The following RHBDF2 variants were observed in gnomAD, a reference collection of about 807,000 sequenced individuals.
RHBDF2 encodes inactive rhomboid protein 2.
A neutral mutation model predicts 95.2 loss-of-function variants in RHBDF2; 38 were observed. The ratio of observed to expected loss-of-function variants is 0.40; its 90% CI spans 0.31 to 0.52. RHBDF2 has a LOEUF of 0.52. Ranked by LOEUF, RHBDF2 falls within the 20% of genes least tolerant of loss-of-function variation. RHBDF2 has a pLI of 0.56. For synonymous variants in RHBDF2, 442 were observed against 462.0 expected (o/e 0.96, Z 0.55); for missense variants, 863 against 1,137.7 (o/e 0.76, Z 3.47).
intron 1 of RHBDF2, among the ~76,000 whole-genome samples, chr17:76,498,191 T>C (rs1475845243): frequency 6.6e-6 from 1 of 152,004 alleles, no homozygotes; most frequent in Non-Finnish European, 1.5e-5. Context: ...TGTCCCTGCC[T>C]AGCCACCACC....
Position 76,473,742 on chromosome 17 carries a change from T to C in RHBDF2, c.1639A>G (p.Ile547Val), listed in dbSNP as rs376240986. Reference sequence around the variant, plus strand: ...TTGCTCCTGGCCTGCTCTGTGCAGATCTGCCAGGAGGGGGCACCGGCAGGG... The same window carrying C: ...TTGCTCCTGGCCTGCTCTGTGCAGACCTGCCAGGAGGGGGCACCGGCAGGG... ...IWPDDITKWPICTEQARSNHT... is the reference protein window; with the variant it reads ...IWPDDITKWPVCTEQARSNHT... The change falls in exon 15 of 19, where the codon ATC (isoleucine) becomes GTC (valine). Residue 547 changes from isoleucine (I) to valine (V), a missense_variant and splice_region_variant. Coordinates refer to ENST00000675367, the MANE Select transcript of RHBDF2 (RefSeq NM_001005498.4). 7.4e-6 allele frequency: 12 copies of C among 1,611,842 alleles called. No homozygotes were observed. Among genetic ancestry groups the C allele is most frequent in the East Asian group, 4.5e-5 (2 of 44,818 alleles).
At chr17:76,483,339 G>A (rs1439433310) in intron 2 of RHBDF2, among the ~76,000 whole-genome samples, 4 of 150,472 alleles carry the variant, frequency 2.7e-5, no homozygotes, top group Non-Finnish European at 5.9e-5. Flanking sequence ...AGATTGGAGT[G>A]CAGTGGCGCG....
chr17:76,496,404 G>C (rs541355207), intron 1 of RHBDF2, among the ~76,000 whole-genome samples: 6 of 152,300 alleles, frequency 3.9e-5, no homozygotes. Flanking sequence ...CCCCAGCCAG[G>C]GTCCCGCGCT....
chr17:76,472,623 G>A (rs770824768), intron 18 of RHBDF2, 63 bp downstream of exon 18: 2 of 1,603,912 alleles, frequency 1.2e-6, no homozygotes, highest in Non-Finnish European at 1.7e-6. Flanking sequence ...CCAGGTGGGT[G>A]GAATAGGAGC....
At chr17:76,477,532 G>A (rs897177738) in intron 7 of RHBDF2, 125 bp downstream of exon 7, 54 of 1,208,892 alleles carry the variant, frequency 4.5e-5, no homozygotes, top group Non-Finnish European at 6.1e-5. Context: ...ATAGGACCAT[G>A]CCACATCCCA....
rs746166759 is a variant in RHBDF2 at position 76,473,861 on chromosome 17, G to T, written c.1616C>A (p.Pro539His). The change falls in exon 14 of 19, where the codon CCC becomes CAC. Residue 539 changes from proline (P) to histidine (H), a missense_variant. This residue lies in a region of RHBDF2 where 252 missense variants were observed against 412.2 expected (regional missense o/e 0.61). Transcript: ENST00000675367. ...EPASSGAHIW[P>H]DDITKWPICT... ...CACCGGCCACTTAGTGATGTCATCG[G>T]GCCAGATGTGGGCACCGCTGGAGGC... 3 of 1,614,062 alleles carry T rather than the reference G, an allele frequency of 1.9e-6. No individual in the cohort carries two copies. The Admixed American group carries it at 5.0e-5, about 27-fold the overall frequency.
At position 76,473,700 on chromosome 17, in the gene RHBDF2, G is replaced by A. The variant is rs1235462638; in HGVS notation, c.1681C>T (p.His561Tyr). Residue 561 changes from histidine (H) to tyrosine (Y), a missense_variant, in exon 15 of 19, where the codon CAC becomes TAC. His to Tyr is a moderately conservative substitution (Grantham distance 83). Transcript: ENST00000675367. ...CGGCCCTTGATCTCGCAGTCCATGTGCAGGAAGCCTGTGTGGTTGCTCCTG... is the reference window on the plus strand; with the variant it reads ...CGGCCCTTGATCTCGCAGTCCATGTACAGGAAGCCTGTGTGGTTGCTCCTG... The part of the protein sequence containing the change: ...QARSNHTGFL[H>Y]MDCEIKGRPC... 1.2e-6 allele frequency: 2 copies of A among 1,612,584 alleles called. No homozygotes were observed. Among genetic ancestry groups the A allele is most frequent in the African/African-American group, 2.7e-5 (2 of 75,038 alleles).
chr17:76,479,874 G>T lies in RHBDF2; in HGVS notation c.151-20C>A. On this transcript the variant is annotated intron_variant, in intron 3 of 18. Transcript: ENST00000675367. Reference sequence around the variant, plus strand: ...CTTCCTCTTGGGGAGGAAGGAGGGAGGGCAGGCGGTGGTGTGTGCAGCCCA... The same window carrying T: ...CTTCCTCTTGGGGAGGAAGGAGGGATGGCAGGCGGTGGTGTGTGCAGCCCA... 1 of 1,611,346 alleles carries T rather than the reference G, an allele frequency of 6.2e-7. No homozygotes were observed. Among genetic ancestry groups the T allele is most frequent in the South Asian group, 1.1e-5 (1 of 90,560 alleles).
In RHBDF2 at chr17:76,479,766, C is replaced by T. The variant is rs143449348; in HGVS notation, c.239G>A (p.Arg80His). ...QESSEKRPGF[R>H]RQASLSQSIR... ...GCTCTGGGACAGTGAGGCCTGGCGG[C>T]GGAAGCCAGGGCGCTTCTCTGAACT... The change falls in exon 4 of 19, where the codon CGC (arginine) becomes CAC (histidine). Residue 80 changes from arginine to histidine, a missense_variant. Around this residue, in one of 2 missense-constraint regions of RHBDF2, gnomAD observed 611 missense variants for 725.5 expected, o/e 0.84. Coordinates refer to ENST00000675367, the MANE Select transcript of RHBDF2 (RefSeq NM_001005498.4). 1.5e-4 allele frequency: 243 copies of T among 1,612,140 alleles called. 3 individuals are homozygous for T. The Middle Eastern group carries it at 1.9e-3, about 13-fold the overall frequency.
chr17:76,482,689 C>T (rs1388903889), intron 2 of RHBDF2, among the ~76,000 whole-genome samples: 3 of 152,048 alleles, frequency 2.0e-5, no homozygotes, highest in Non-Finnish European at 4.4e-5. Flanking sequence ...ACGAGAATTG[C>T]TTGAACCCAG....
chr17:76,498,849 T>C (rs1420983745), intron 1 of RHBDF2, among the ~76,000 whole-genome samples: 1 of 151,470 alleles, frequency 6.6e-6, no homozygotes, highest in Non-Finnish European at 1.5e-5. Context: ...TGTGTGTTTG[T>C]GTGTGTCTCT....
intron 2 of RHBDF2, among the ~76,000 whole-genome samples, chr17:76,483,309 G>A (rs1475407182): frequency 6.7e-6 from 1 of 150,230 alleles, no homozygotes; most frequent in Non-Finnish European, 1.5e-5. Flanking sequence ...TTTTTGTGAT[G>A]GGGTCTCATT....
Position 76,473,101 on chromosome 17 carries a change from T to C in RHBDF2, c.1814A>G (p.His605Arg), listed in dbSNP as rs774996431. 6 of 1,613,662 alleles carry C rather than the reference T, an allele frequency of 3.7e-6. No individual in the cohort carries two copies. The highest frequency in any genetic ancestry group is 5.1e-6 in the Non-Finnish European group (6 of 1,179,652). ...HEEATLCSQV[H>R]CLDKVCGLLP... ...CAGCCCACACACCTTGTCCAAGCAG[T>C]GCACCTGGGAGTGGGCATATGGTGC... Residue 605 changes from histidine (H) to arginine (R), a missense_variant, in exon 17 of 19, where the codon CAC becomes CGC. His to Arg is a conservative substitution (Grantham distance 29). Transcript: ENST00000675367.
intron 1 of RHBDF2, among the ~76,000 whole-genome samples, chr17:76,499,809 C>A (rs1370589769): frequency 2.6e-5 from 4 of 151,958 alleles, no homozygotes; most frequent in Non-Finnish European, 5.9e-5. Flanking sequence ...ACCCTCCCAG[C>A]CCAGGGATAT....
Position 76,474,354 on chromosome 17 carries a change from A to T in RHBDF2, c.1464+19T>A. 4 of 1,606,772 alleles carry T rather than the reference A, an allele frequency of 2.5e-6. No individual in the cohort carries two copies. The highest frequency in any genetic ancestry group is 3.4e-6 in the Non-Finnish European group (4 of 1,176,106). On this transcript the variant is annotated intron_variant, in intron 12 of 18. Coordinates refer to ENST00000675367, the MANE Select transcript of RHBDF2 (RefSeq NM_001005498.4). Reference sequence around the variant, plus strand: ...GGGACCAGGGTCTGGCAGGGGTAGGAGGGAGGGCCTGCCCCCACCGAGCAG... The same window carrying T: ...GGGACCAGGGTCTGGCAGGGGTAGGTGGGAGGGCCTGCCCCCACCGAGCAG...
In RHBDF2 at chr17:76,481,416, CT is replaced by C. The variant is rs1356429845; in HGVS notation, c.108del (p.Glu37ArgfsTer21). The part of the protein sequence containing the change: ...NLSITIPPPE[K>X]ETQAPGEQDS... ...TCCTGCTCGCCAGGGGCCTGGGTCTCTTTCTCGGGTGGCGGGATGGTGATGG... is the reference window on the plus strand; with the variant it reads ...TCCTGCTCGCCAGGGGCCTGGGTCTCTTCTCGGGTGGCGGGATGGTGATGG... On this transcript the variant is annotated frameshift_variant, in exon 3 of 19. Coordinates refer to ENST00000675367, the MANE Select transcript of RHBDF2 (RefSeq NM_001005498.4). LOFTEE classifies it high-confidence loss of function. 4.3e-6 allele frequency: 7 copies of C among 1,612,872 alleles called. No homozygotes were observed. The highest frequency in any genetic ancestry group is 4.2e-6 in the Non-Finnish European group (5 of 1,179,998).
intron 1 of RHBDF2, among the ~76,000 whole-genome samples, chr17:76,494,777 A>C (rs2074392806): frequency 6.6e-6 from 1 of 152,180 alleles, no homozygotes; most frequent in African/African-American, 2.4e-5. Context: ...AAAATAAAAC[A>C]AAGCTGCTGA....
chr17:76,473,206 T>C, intron 16 of RHBDF2, 46 bp downstream of exon 16: 1 of 1,597,598 alleles, frequency 6.3e-7, no homozygotes, highest in Non-Finnish European at 8.6e-7. Flanking sequence ...CAGGCTGCCA[T>C]GCCCAGCGTC....
At chr17:76,488,541 C>T (rs1194718128) in intron 1 of RHBDF2, among the ~76,000 whole-genome samples, 1 of 150,024 alleles carries the variant, frequency 6.7e-6, no homozygotes, top group Non-Finnish European at 1.5e-5. Context: ...AGGGTGCAGG[C>T]GCTCACACCT....
Sources: allele counts gnomAD v4.1 joint callset (sites outside exome capture counted in the v4.1 genomes callset), GRCh38; gene constraint gnomAD v4.1.1; regional missense constraint gnomAD v4.1.1; transcripts MANE v1.5; gene names NCBI Gene and HGNC (gene_info 2026-07-23, HGNC 2026-07-21).